Variants in S100Z observed in about 807,000 individuals in gnomAD.
The protein encoded by S100Z is protein S100-Z.
Under a neutral mutation model 8.5 loss-of-function variants are expected in S100Z, and 11 were observed. That is an observed-to-expected ratio of 1.30 (90% CI 0.82 to 2.15). The LOEUF is 2.15. S100Z is among the 30% of genes most tolerant of loss of function. The pLI, the probability that S100Z is intolerant of heterozygous loss-of-function variation, is 0.00. For missense variants in S100Z, 126 were observed against 117.9 expected, an observed-to-expected ratio of 1.07 and a Z score of -0.32; for synonymous variants, 34 against 43.8, an observed-to-expected ratio of 0.78 and a Z score of 0.89.
At position 76,905,466 on chromosome 5, in the gene S100Z, G is replaced by T. The variant is rs536734029; in HGVS notation, c.*3-15251G>T. Among the ~76,000 whole-genome samples the T allele has an allele frequency of 5.9e-5, 9 of 152,132 alleles. No homozygotes were observed. In the South Asian group the frequency reaches 1.9e-3, roughly 32 times the overall value. On this transcript the variant is annotated intron_variant, in intron 4 of 4. Transcript: ENST00000317593. ...CTCACTCTGTTGCCTAGGCTGGAGTGCAGTGGCATGATTTCGGTTCATCGC... is the reference window on the plus strand; with the variant it reads ...CTCACTCTGTTGCCTAGGCTGGAGTTCAGTGGCATGATTTCGGTTCATCGC...
At chr5:76,871,689 A>AT (rs920752881) in intron 2 of S100Z, among the ~76,000 whole-genome samples, 24 of 150,984 alleles carry the variant, frequency 1.6e-4, no homozygotes, top group Non-Finnish European at 4.4e-5. Flanking sequence ...CACCCGGCTA[A>AT]TTTTTTTTTG....
At chr5:76,859,614 C>T (rs1266968039) in intron 1 of S100Z, among the ~76,000 whole-genome samples, 1 of 151,724 alleles carries the variant, frequency 6.6e-6, no homozygotes, top group Non-Finnish European at 1.5e-5. Flanking sequence ...AACCCCATCT[C>T]TACTCAAAAT....
chr5:76,902,667 T>G (rs2150671629), intron 4 of S100Z, among the ~76,000 whole-genome samples: 1 of 151,846 alleles, frequency 6.6e-6, no homozygotes, highest in African/African-American at 2.4e-5. Flanking sequence ...TGTTTTTTTT[T>G]CTGTGTAGAT....
the S100Z span, among the ~76,000 whole-genome samples, chr5:76,951,083 G>T: frequency 6.6e-6 from 1 of 151,882 alleles, no homozygotes; most frequent in Admixed American, 6.6e-5. Flanking sequence ...TACCAAACTG[G>T]TGAAAACTAC....
At chr5:76,920,464 G>GTA (rs1745003316) in intron 4 of S100Z, among the ~76,000 whole-genome samples, 1 of 152,150 alleles carries the variant, frequency 6.6e-6, no homozygotes, top group South Asian at 2.1e-4. Context: ...TAGCATAATG[G>GTA]TATACACAAT....
downstream of S100Z, among the ~76,000 whole-genome samples, chr5:76,923,460 T>G (rs929941685): frequency 6.6e-6 from 1 of 152,226 alleles, no homozygotes; most frequent in Admixed American, 6.5e-5. Context: ...CATTAGGAGC[T>G]ATCTAATGCC....
downstream of S100Z, among the ~76,000 whole-genome samples, chr5:76,924,827 C>G (rs1016546666): frequency 6.6e-6 from 1 of 151,884 alleles, no homozygotes; most frequent in African/African-American, 2.4e-5. Context: ...GTAGGAGAAT[C>G]GCTTGAACGC....
intron 3 of S100Z, among the ~76,000 whole-genome samples, chr5:76,876,965 C>T (rs1357943574): frequency 2.6e-5 from 4 of 152,108 alleles, no homozygotes; most frequent in African/African-American, 9.7e-5. Context: ...TGCTTTCCAC[C>T]CATAAAATGC....
chr5:76,897,482 A>G (rs1330617684), intron 4 of S100Z, among the ~76,000 whole-genome samples: 2 of 151,682 alleles, frequency 1.3e-5, no homozygotes, highest in South Asian at 2.1e-4. Context: ...TAAAAAAATA[A>G]ATAAATTTTA....
intron 1 of S100Z, among the ~76,000 whole-genome samples, chr5:76,868,215 C>G (rs112238600): frequency 6.8e-4 from 104 of 152,220 alleles, no homozygotes; most frequent in African/African-American, 2.0e-3. Context: ...GAAGAAAGGG[C>G]TTTATAAATA....
At chr5:76,850,689 C>G (rs1750704035) in intron 1 of S100Z, among the ~76,000 whole-genome samples, 1 of 152,130 alleles carries the variant, frequency 6.6e-6, no homozygotes, top group Non-Finnish European at 1.5e-5. Context: ...GCTGGGCATG[C>G]CTGGACAATC....
At chr5:76,876,011 T>A (rs1743179996) in intron 3 of S100Z, among the ~76,000 whole-genome samples, 1 of 152,208 alleles carries the variant, frequency 6.6e-6, no homozygotes, top group Admixed American at 6.5e-5. Flanking sequence ...GTTTGGCCAG[T>A]GACCAGTGGG....
chr5:76,888,743 G>A (rs753389358), intron 4 of S100Z, among the ~76,000 whole-genome samples: 1 of 152,104 alleles, frequency 6.6e-6, no homozygotes, highest in Non-Finnish European at 1.5e-5. Flanking sequence ...AAGCATCTCT[G>A]GAAAAGTTTC....
At chr5:76,879,684 G>A (rs1010153179) in intron 4 of S100Z, among the ~76,000 whole-genome samples, 2 of 152,180 alleles carry the variant, frequency 1.3e-5, no homozygotes, top group African/African-American at 2.4e-5. Flanking sequence ...TGTGGATAGA[G>A]AAGAAGAAAC....
At chr5:76,878,699 T>G (rs985137932) in intron 4 of S100Z, among the ~76,000 whole-genome samples, 1 of 152,174 alleles carries the variant, frequency 6.6e-6, no homozygotes, top group Non-Finnish European at 1.5e-5. Context: ...CCCTAACTAC[T>G]GTGTAAAGAA....
At chr5:76,890,104 A>G (rs1561239003) in intron 4 of S100Z, among the ~76,000 whole-genome samples, 1 of 152,132 alleles carries the variant, frequency 6.6e-6, no homozygotes, top group African/African-American at 2.4e-5. Context: ...GCTCACTGCA[A>G]CCTCTGCCTC....
the S100Z span, among the ~76,000 whole-genome samples, chr5:76,934,578 C>A: frequency 6.6e-6 from 1 of 152,160 alleles, no homozygotes; most frequent in Non-Finnish European, 1.5e-5. Context: ...CAGGCTCCAC[C>A]CTCATAAATG....
rs114989590 is a variant in S100Z, at chr5:76,851,054, G to A, written c.-176+899G>A. On this transcript the variant is annotated intron_variant, in intron 1 of 4. Transcript: ENST00000317593. ...CCCAGAGTATGTGCTAATTAACGTT[G>A]GCTACTATTATTTTCCTTCAACCCA... Among the ~76,000 whole-genome samples the A allele has an allele frequency of 6.7e-3, 1,026 of 152,256 alleles. 10 individuals are homozygous for A. Among genetic ancestry groups the A allele is most frequent in the African/African-American group, 0.023 (976 of 41,554 alleles).
At chr5:76,910,947 C>G (rs1744632024) in intron 4 of S100Z, among the ~76,000 whole-genome samples, 1 of 152,170 alleles carries the variant, frequency 6.6e-6, no homozygotes, top group South Asian at 2.1e-4. Flanking sequence ...CTTGTTATGC[C>G]TGAAAGTCCC....
Sources: gnomAD v4.1 joint callset for allele counts (sites outside exome capture counted in the v4.1 genomes callset) on GRCh38, gnomAD v4.1.1 for gene constraint, MANE v1.5 for transcripts, NCBI Gene and HGNC (gene_info 2026-07-23, HGNC 2026-07-21) for gene names.